TLL1: variants seen among roughly 807,000 people sequenced by gnomAD.
The protein encoded by TLL1 is tolloid-like protein 1.
TLL1 carries 49 observed loss-of-function variants against 128.2 expected under a neutral mutation model. The ratio of observed to expected loss-of-function variants is 0.38; its 90% confidence interval spans 0.30 to 0.48. The LOEUF (loss-of-function observed/expected upper bound fraction) is 0.48. Among genes scored for constraint, TLL1 ranks in the 20% least tolerant of loss-of-function variants. TLL1 has a pLI of 0.96. For synonymous variants in TLL1, 454 were observed against 418.8 expected, an observed-to-expected ratio of 1.08 and a Z score of -1.03; for missense variants, 1,123 against 1,242.0, an observed-to-expected ratio of 0.90 and a Z score of 1.44.
rs1287154137 is a variant in TLL1 at position 165,874,139 on chromosome 4, G to A, written c.169+66G>A. On this transcript the variant is annotated intron_variant, in intron 1 of 20. Coordinates refer to ENST00000061240, the MANE Select transcript of TLL1 (RefSeq NM_012464.5). Reference sequence around the variant, plus strand: ...CCGCTGCGCTGGGTTTCCCATGGGTGGCGGTGGGAGCTCACCTGTTTCCTT... The same window carrying A: ...CCGCTGCGCTGGGTTTCCCATGGGTAGCGGTGGGAGCTCACCTGTTTCCTT... 7.2e-5 allele frequency: 114 copies of A among 1,585,808 alleles called. No individual in the cohort carries two copies. In the South Asian group the frequency reaches 7.7e-4, roughly 11 times the overall value.
In TLL1 at chr4:165,873,706, TG is replaced by T. The variant is rs1204190722; in HGVS notation, c.-194del. 1.6e-5 allele frequency: 9 copies of T among 572,642 alleles called. No homozygotes were observed. Among genetic ancestry groups the T allele is most frequent in the Non-Finnish European group, 2.5e-5 (8 of 323,214 alleles). 35.5% of individuals were successfully genotyped at this position (572,642 alleles called of 1,614,324 possible). A position where few individuals can be genotyped will look rare whatever the true frequency, so the allele number is the denominator to read the frequency against. On this transcript the variant is annotated 5_prime_UTR_variant, in exon 1 of 21. Transcript: ENST00000061240. The stretch of plus-strand genomic sequence containing the variant: ...CCCCTAGCCAACTTCTCCCTGCGAC[TG>T]GGGGTAACAGGCAGTGCTTGCCCTC...
intron 1 of TLL1, among the ~76,000 whole-genome samples, chr4:165,884,249 C>T (rs1731082103): frequency 6.6e-6 from 1 of 152,052 alleles, no homozygotes; most frequent in African/African-American, 2.4e-5. Context: ...TAATTGCATG[C>T]TAAGTTATTT....
At chr4:166,076,019 A>G (rs1741006916) in intron 17 of TLL1, among the ~76,000 whole-genome samples, 2 of 152,160 alleles carry the variant, frequency 1.3e-5, no homozygotes, top group African/African-American at 4.8e-5. Flanking sequence ...ATGATATACT[A>G]TTAAATCAAT....
rs531543381 is a variant in TLL1 at position 166,023,939 on chromosome 4, T to C, written c.1043-1377T>C. On this transcript the variant is annotated intron_variant, in intron 8 of 20. Coordinates refer to ENST00000061240, the MANE Select transcript of TLL1 (RefSeq NM_012464.5). ...TGGTTTTTTTTTTATAGAAACACAC[T>C]CAACTCCCAAATCATTGTTTAGCAT... is the stretch of plus-strand genomic sequence containing the variant. Among the ~76,000 whole-genome samples the C allele has an allele frequency of 2.8e-4, 43 of 152,142 alleles. No individual in the cohort carries two copies. In the South Asian group the frequency reaches 8.9e-3, roughly 32 times the overall value.
At chr4:166,067,957 G>A (rs1000726015) in intron 16 of TLL1, among the ~76,000 whole-genome samples, 2 of 151,618 alleles carry the variant, frequency 1.3e-5, no homozygotes, top group Non-Finnish European at 3.0e-5. Flanking sequence ...CTTGGCAAAT[G>A]GCATTAGTTC....
chr4:166,059,636 C>T (rs2111116903), intron 14 of TLL1, among the ~76,000 whole-genome samples: 1 of 152,144 alleles, frequency 6.6e-6, no homozygotes, highest in Middle Eastern at 3.4e-3. Flanking sequence ...TAACACCCTT[C>T]TCAATTCCGA....
At chr4:166,036,857 C>A (rs1739027832) in intron 9 of TLL1, among the ~76,000 whole-genome samples, 1 of 150,268 alleles carries the variant, frequency 6.7e-6, no homozygotes, top group Admixed American at 6.7e-5. Flanking sequence ...TTAACTATTT[C>A]TTTGCAATCC....
At chr4:166,010,610 A>C (rs1737647054) in intron 7 of TLL1, among the ~76,000 whole-genome samples, 1 of 150,794 alleles carries the variant, frequency 6.6e-6, no homozygotes, top group Non-Finnish European at 1.5e-5. Flanking sequence ...CTTTTCATTC[A>C]GTTGGCTGTG....
intron 1 of TLL1, among the ~76,000 whole-genome samples, chr4:165,949,873 C>T (rs1429055877): frequency 2.0e-5 from 3 of 151,930 alleles, no homozygotes; most frequent in Non-Finnish European, 4.4e-5. Flanking sequence ...AACAACAAAA[C>T]GTAAACGACA....
intron 1 of TLL1, among the ~76,000 whole-genome samples, chr4:165,938,212 A>T (rs1202012068): frequency 3.3e-5 from 5 of 152,078 alleles, no homozygotes; most frequent in Admixed American, 6.6e-5. Context: ...TTTTGAAAGT[A>T]CCATCCCATT....
At chr4:166,031,363 C>CTTT (rs35799879) in intron 9 of TLL1, among the ~76,000 whole-genome samples, 1,288 of 102,264 alleles carry the variant, frequency 0.013, 63 homozygotes, top group African/African-American at 0.039. Context: ...ATTGCAAGGT[C>CTTT]TTTTTTTTTT....
At chr4:165,928,393 A>G (rs1383336574) in intron 1 of TLL1, among the ~76,000 whole-genome samples, 2 of 152,174 alleles carry the variant, frequency 1.3e-5, no homozygotes, top group Non-Finnish European at 2.9e-5. Flanking sequence ...AGAACAGGGT[A>G]GGAAAGCCAC....
intron 1 of TLL1, among the ~76,000 whole-genome samples, chr4:165,971,246 A>G (rs1436712616): frequency 6.6e-6 from 1 of 152,192 alleles, no homozygotes; most frequent in Non-Finnish European, 1.5e-5. Flanking sequence ...CAGGCAGCTT[A>G]GCTAGTGATA....
At chr4:165,913,006 C>A (rs1365474698) in intron 1 of TLL1, among the ~76,000 whole-genome samples, 2 of 151,854 alleles carry the variant, frequency 1.3e-5, no homozygotes, top group Non-Finnish European at 2.9e-5. Flanking sequence ...TTGAAAAAAT[C>A]ATCACCATGC....
At chr4:165,947,056 G>T (rs989457137) in intron 1 of TLL1, among the ~76,000 whole-genome samples, 5 of 152,028 alleles carry the variant, frequency 3.3e-5, no homozygotes, top group African/African-American at 1.2e-4. Flanking sequence ...TCACAGACTG[G>T]GTGGAATAAA....
intron 1 of TLL1, among the ~76,000 whole-genome samples, chr4:165,970,246 C>T (rs1735573410): frequency 6.6e-6 from 1 of 152,132 alleles, no homozygotes; most frequent in Admixed American, 6.6e-5. Context: ...TCTATTTAAA[C>T]ATATTTTAAA....
At chr4:165,957,533 T>TG (rs1433086121) in intron 1 of TLL1, among the ~76,000 whole-genome samples, 2 of 151,800 alleles carry the variant, frequency 1.3e-5, no homozygotes, top group African/African-American at 4.8e-5. Flanking sequence ...CATAAGTTAT[T>TG]GGGGTACAGG....
chr4:165,878,262 G>A (rs771114753), intron 1 of TLL1, among the ~76,000 whole-genome samples: 7 of 151,650 alleles, frequency 4.6e-5, no homozygotes, highest in African/African-American at 9.7e-5. Flanking sequence ...TTTCTTAGTC[G>A]GTGCCTCTCT....
At chr4:165,981,696 G>A (rs768916626) in intron 1 of TLL1, among the ~76,000 whole-genome samples, 5 of 151,912 alleles carry the variant, frequency 3.3e-5, no homozygotes, top group Admixed American at 6.6e-5. Flanking sequence ...CAACACTGGC[G>A]GATTACTTAA....
Sources: allele counts gnomAD v4.1 joint callset (sites outside exome capture counted in the v4.1 genomes callset), GRCh38; gene constraint gnomAD v4.1.1; transcripts MANE v1.5; gene names NCBI Gene and HGNC (gene_info 2026-07-23, HGNC 2026-07-21).